DNM1: variants seen among roughly 807,000 people sequenced by gnomAD.
The protein encoded by DNM1 is dynamin-1.
Under a neutral mutation model 104.6 loss-of-function variants are expected in DNM1, and 29 were observed. The ratio of observed to expected loss-of-function variants is 0.28; its 90% CI spans 0.21 to 0.38. The LOEUF (loss-of-function observed/expected upper bound fraction) is 0.38. Among genes scored for constraint, DNM1 ranks in the 10% least tolerant of loss-of-function variants. The probability of loss-of-function intolerance (pLI) is 1.00; values close to 1 mark genes in which losing one functional copy is unlikely to be tolerated. For synonymous variants in DNM1, 445 were observed against 475.8 expected (o/e 0.94, Z 0.84); for missense variants, 640 against 1,189.4 (o/e 0.54, Z 6.79).
chr9:128,213,856 A>G (rs565194085), intron 1 of DNM1, among the ~76,000 whole-genome samples: 44 of 152,162 alleles, frequency 2.9e-4, no homozygotes, highest in Non-Finnish European at 4.9e-4. Context: ...AAGGAAAGCC[A>G]AGGCCAGAAC....
chr9:128,253,050 G>T lies in DNM1; in HGVS notation c.2535-1604G>T, dbSNP rs2267957. The T allele has an allele frequency of 0.067, 107,093 of 1,595,898 alleles. 4,636 individuals carry two copies. The highest frequency in any genetic ancestry group is 0.18 in the East Asian group (8,184 of 44,764). On this transcript the variant is annotated intron_variant, in intron 21 of 21. Transcript: ENST00000372923. The surrounding 1 kb of genome is among the most constrained non-coding windows in gnomAD (Gnocchi z 5.9). Reference sequence around the variant, plus strand: ...TGTGTGTGTCCCCCACCCCCAGGCCGGCCCCACCCGTGCGTGTGAACTGCC... The same window carrying T: ...TGTGTGTGTCCCCCACCCCCAGGCCTGCCCCACCCGTGCGTGTGAACTGCC...
At chr9:128,252,422 T>C (rs1408633994) in intron 21 of DNM1, 3 of 400,986 alleles carry the variant, frequency 7.5e-6, no homozygotes, top group Non-Finnish European at 9.7e-6. Flanking sequence ...CTGACTTCAG[T>C]GCAGTCTGAG....
rs146363472 is a variant in DNM1, at chr9:128,204,395, C to A, written c.161+764C>A. 300 of 152,444 alleles carry A rather than the reference C, an allele frequency of 2.0e-3. 1 individual carries two copies. Among genetic ancestry groups the A allele is most frequent in the Admixed American group, 9.3e-3 (142 of 15,300 alleles). The allele number at this position is 152,444 out of a possible 1,614,324, so 9.4% of individuals were successfully genotyped here. A position where few individuals can be genotyped will look rare whatever the true frequency, so the allele number is the denominator to read the frequency against. ...AGAGGAATCGTGTTGGAGGGAGAGG[C>A]GGCAGAGGGCAGAGATGACTAAGAC... On this transcript the variant is annotated intron_variant, in intron 1 of 21. Coordinates refer to ENST00000372923, the MANE Select transcript of DNM1 (RefSeq NM_004408.4).
chr9:128,221,755 T>C (rs1835035804), intron 6 of DNM1, among the ~76,000 whole-genome samples: 1 of 151,994 alleles, frequency 6.6e-6, no homozygotes, highest in African/African-American at 2.4e-5. Context: ...TAGCTGGGCA[T>C]GGTGGTGCAC....
rs139628061 is a variant in DNM1 at position 128,209,665 on chromosome 9, G to T, written c.161+6034G>T. 1.4e-4 allele frequency among the ~76,000 whole-genome samples: 22 copies of T among 152,296 alleles called. No individual in the cohort carries two copies. In the East Asian group the frequency reaches 4.2e-3, roughly 29 times the overall value. On this transcript the variant is annotated intron_variant, in intron 1 of 21. Coordinates refer to ENST00000372923, the MANE Select transcript of DNM1 (RefSeq NM_004408.4). ...GCGTGGGGACAGGTGTCCCCTCTCC[G>T]CAGGCTGCCCCGTCATTTCCCTCTT...
chr9:128,250,643 G>T (rs1434680937), intron 20 of DNM1, 82 bp from the exon 21 acceptor site: 7 of 1,234,840 alleles, frequency 5.7e-6, no homozygotes, highest in Non-Finnish European at 5.3e-6. Flanking sequence ...GGCGTGGCCA[G>T]CACTGGGCTG....
intron 4 of DNM1, among the ~76,000 whole-genome samples, chr9:128,219,688 T>C (rs1834827920): frequency 7.1e-6 from 1 of 140,846 alleles, no homozygotes; most frequent in South Asian, 2.3e-4. Flanking sequence ...AAAGGCTGGG[T>C]GCAGTGGCTC....
At chr9:128,234,484 C>T (rs549328206) in intron 11 of DNM1, among the ~76,000 whole-genome samples, 17 of 152,164 alleles carry the variant, frequency 1.1e-4, no homozygotes, top group Non-Finnish European at 1.8e-4. Context: ...CTTGCCTCAG[C>T]CTCCCGAGTA....
intron 9 of DNM1, chr9:128,223,150 C>A: frequency 2.3e-6 from 1 of 433,074 alleles, no homozygotes; most frequent in South Asian, 2.6e-5. Flanking sequence ...GAGATAGCTC[C>A]CCCAGTGCCA....
intron 15 of DNM1, chr9:128,244,833 C>G (rs766974849): frequency 1.9e-6 from 1 of 530,680 alleles, no homozygotes; most frequent in Admixed American, 1.9e-5. Flanking sequence ...TCCTCTGGTC[C>G]ATCCAGGCAG....
chr9:128,242,095 GCCCCCA>G lies in DNM1; in HGVS notation c.1558-133_1558-128del. 2.2e-5 allele frequency: 15 copies of G among 670,852 alleles called. No homozygotes were observed. In the South Asian group the frequency reaches 2.3e-4, roughly 10 times the overall value. The allele number at this position is 670,852 out of a possible 1,614,324, so 41.6% of individuals were successfully genotyped here. A position where few individuals can be genotyped will look rare whatever the true frequency, so the allele number is the denominator to read the frequency against. ...TGTGGTTCAAACCAAGGCAGGTCTG[GCCCCCA>G]CCCTCCCTGACTGCCAGGCCTCAGA... On this transcript the variant is annotated intron_variant, in intron 14 of 21. Coordinates refer to ENST00000372923, the MANE Select transcript of DNM1 (RefSeq NM_004408.4).
chr9:128,219,221 C>T lies in DNM1; in HGVS notation c.558C>T (p.Ala186=). 1 of 1,614,174 alleles carries T rather than the reference C, an allele frequency of 6.2e-7. No individual in the cohort carries two copies. Among genetic ancestry groups the T allele is most frequent in the South Asian group, 1.1e-5 (1 of 91,088 alleles). Residue 186 remains alanine (A), a synonymous_variant, in exon 4 of 22, where the codon GCC becomes GCT. Transcript: ENST00000372923. ...PANSDLANSD[A]LKVAKEVDPQ... ...ACTCTGACCTGGCCAATTCTGACGCCCTCAAGGTCGCCAAGGAGGTGGACC... is the reference window on the plus strand; with the variant it reads ...ACTCTGACCTGGCCAATTCTGACGCTCTCAAGGTCGCCAAGGAGGTGGACC...
chr9:128,218,426 A>T lies in DNM1; in HGVS notation c.235+122A>T. Reference sequence around the variant, plus strand: ...TGTGACTGTGGGCCTCGTTCCCCTTAGGGATAGCGGGGATCAAAATACATA... The same window carrying T: ...TGTGACTGTGGGCCTCGTTCCCCTTTGGGATAGCGGGGATCAAAATACATA... On this transcript the variant is annotated intron_variant, in intron 2 of 21. Transcript: ENST00000372923. The surrounding 1 kb of genome is among the most constrained non-coding windows in gnomAD (Gnocchi z 4.8). 7.0e-7 allele frequency: 1 copy of T among 1,427,598 alleles called. No homozygotes were observed. The highest frequency in any genetic ancestry group is 9.9e-7 in the Non-Finnish European group (1 of 1,012,572). 88.4% of individuals were successfully genotyped at this position (1,427,598 alleles called of 1,614,324 possible).
Position 128,222,488 on chromosome 9 carries a change from T to C in DNM1, c.1020T>C (p.Phe340=), listed in dbSNP as rs2131173713. The C allele has an allele frequency of 1.2e-6, 2 of 1,614,052 alleles. No individual in the cohort carries two copies. Among genetic ancestry groups the C allele is most frequent in the Admixed American group, 1.7e-5 (1 of 60,004 alleles). ...TGGTCCAGCAGTTCGCCGTAGACTT[T>C]GAGAAGCGCATTGAGGGCTCAGGAG... is the stretch of plus-strand genomic sequence containing the variant. ...LQMVQQFAVD[F]EKRIEGSGDQ... Residue 340 remains phenylalanine, a synonymous_variant, in exon 8 of 22, where the codon TTT becomes TTC. Coordinates refer to ENST00000372923, the MANE Select transcript of DNM1 (RefSeq NM_004408.4). The surrounding 1 kb of genome is among the most constrained non-coding windows in gnomAD (Gnocchi z 7.8).
chr9:128,204,538 C>G (rs1307992291), intron 1 of DNM1, among the ~76,000 whole-genome samples: 1 of 152,228 alleles, frequency 6.6e-6, no homozygotes, highest in East Asian at 1.9e-4. Context: ...GACAAAGGGT[C>G]GTGGGTTTAG....
chr9:128,227,088 C>T (rs1835390095), intron 10 of DNM1, among the ~76,000 whole-genome samples: 2 of 143,018 alleles, frequency 1.4e-5, no homozygotes, highest in East Asian at 2.1e-4. Flanking sequence ...CATCTTGGCT[C>T]ACTGCAACCT....
At chr9:128,250,566 G>T (rs1298010567) in intron 20 of DNM1, among the ~76,000 whole-genome samples, 159 bp from the exon 21 acceptor site, 1 of 152,128 alleles carries the variant, frequency 6.6e-6, no homozygotes, top group East Asian at 1.9e-4. Context: ...CGTTGGCGCC[G>T]CTGGGGGCGG....
Position 128,240,221 on chromosome 9 carries a change from G to A in DNM1, c.1557+225G>A, listed in dbSNP as rs527865825. Reference sequence around the variant, plus strand: ...CACCTACTTCAGGCAGAGCTAGACCGTGTGGGGCTGGGTGGGTGAGAAGGC... The same window carrying A: ...CACCTACTTCAGGCAGAGCTAGACCATGTGGGGCTGGGTGGGTGAGAAGGC... On this transcript the variant is annotated intron_variant, in intron 14 of 21. Transcript: ENST00000372923. The surrounding 1 kb of genome is among the most constrained non-coding windows in gnomAD (Gnocchi z 5.1). Among the ~76,000 whole-genome samples the A allele has an allele frequency of 3.0e-3, 453 of 152,330 alleles. 2 individuals carry two copies. The highest frequency in any genetic ancestry group is 0.01 in the African/African-American group (434 of 41,576).
rs769415906 is a variant in DNM1, at chr9:128,224,235, C to G, written c.1197-16C>G. On this transcript the variant is annotated splice_polypyrimidine_tract_variant and intron_variant, in intron 9 of 21. Transcript: ENST00000372923. This position sits in a 1 kb window ranked among gnomAD's most constrained non-coding sequence, Gnocchi z 4.3. ...GGCCTGTGACACTCTGCCCTTCTCC[C>G]GCTCCGGGCGTTCAGAACGGGGCTG... 2 of 1,611,240 alleles carry G rather than the reference C, an allele frequency of 1.2e-6. No individual in the cohort carries two copies. Among genetic ancestry groups the G allele is most frequent in the Admixed American group, 3.3e-5 (2 of 59,840 alleles).
Sources: allele counts gnomAD v4.1 joint callset (sites outside exome capture counted in the v4.1 genomes callset), GRCh38; gene constraint gnomAD v4.1.1; non-coding constraint Gnocchi (gnomAD v3.1); transcripts MANE v1.5; gene names NCBI Gene and HGNC (gene_info 2026-07-23, HGNC 2026-07-21).